The following LRP1B variants were observed in gnomAD, a reference collection of about 807,000 sequenced individuals.
LRP1B encodes the protein low-density lipoprotein receptor-related protein 1B.
Under a neutral mutation model 556.6 loss-of-function variants are expected in LRP1B, and 217 were observed. The observed-to-expected ratio is 0.39, with a 90% CI of 0.35 to 0.44. The LOEUF (loss-of-function observed/expected upper bound fraction) is 0.44. Among genes scored for constraint, LRP1B ranks in the 20% least tolerant of loss-of-function variants. The probability of loss-of-function intolerance (pLI) is 1.00; values close to 1 mark genes in which losing one functional copy is unlikely to be tolerated. For missense variants in LRP1B, 5,053 were observed against 5,620.8 expected (o/e 0.90, Z 3.23); for synonymous variants, 2,047 against 1,865.8 (o/e 1.10, Z -2.50).
chr2:140,548,936 CACAA>C (rs756101453), intron 43 of LRP1B, among the ~76,000 whole-genome samples: 4 of 151,874 alleles, frequency 2.6e-5, no homozygotes, highest in South Asian at 2.1e-4. Context: ...AAAAAACCAA[CACAA>C]ACAAACAAAC....
rs528810569 is a variant in LRP1B at position 142,108,497 on chromosome 2, A to T, written c.82+22151T>A. The stretch of plus-strand genomic sequence containing the variant: ...ACTATCCTCTCTCATGGGAAAAGAA[A>T]AGTCCGTCACTGAATGACAAAGAAT... On this transcript the variant is annotated intron_variant, in intron 1 of 90. Coordinates refer to ENST00000389484, the MANE Select transcript of LRP1B (RefSeq NM_018557.3). 8.9e-4 allele frequency among the ~76,000 whole-genome samples: 135 copies of T among 152,300 alleles called. 1 individual carries two copies. The highest frequency in any genetic ancestry group is 8.1e-3 in the South Asian group (39 of 4,822).
chr2:140,970,833 T>C (rs1176311735), intron 18 of LRP1B, among the ~76,000 whole-genome samples: 1 of 141,142 alleles, frequency 7.1e-6, no homozygotes, highest in East Asian at 2.3e-4. Context: ...CTGGACGTCC[T>C]GGGTTCAGGT....
chr2:141,106,768 C>T (rs548478434), intron 7 of LRP1B, among the ~76,000 whole-genome samples: 5 of 152,288 alleles, frequency 3.3e-5, no homozygotes, highest in South Asian at 2.1e-4. Flanking sequence ...TATTCTGTAG[C>T]GTTCTCTCTT....
intron 1 of LRP1B, among the ~76,000 whole-genome samples, chr2:142,001,114 C>T (rs1281930051): frequency 1.3e-5 from 2 of 152,168 alleles, no homozygotes; most frequent in African/African-American, 4.8e-5. Context: ...TTTCGCCTTC[C>T]ACCATGATTG....
At chr2:141,605,501 G>C (rs930092493) in intron 2 of LRP1B, among the ~76,000 whole-genome samples, 4 of 152,072 alleles carry the variant, frequency 2.6e-5, no homozygotes, top group African/African-American at 9.7e-5. Context: ...TTAAAGGGCT[G>C]ATACCTCTAT....
chr2:141,819,188 A>T (rs1304559263), intron 1 of LRP1B, among the ~76,000 whole-genome samples: 1 of 151,964 alleles, frequency 6.6e-6, no homozygotes, highest in Non-Finnish European at 1.5e-5. Flanking sequence ...CAGTGAGCTG[A>T]GATCACGCCA....
intron 5 of LRP1B, among the ~76,000 whole-genome samples, chr2:141,237,331 T>G (rs1016647975): frequency 3.3e-5 from 5 of 150,368 alleles, no homozygotes; most frequent in Admixed American, 2.0e-4. Flanking sequence ...GTTTTTTATC[T>G]TGTTTTGTTT....
chr2:140,502,727 G>A (rs1031773156), intron 54 of LRP1B, among the ~76,000 whole-genome samples: 1 of 151,910 alleles, frequency 6.6e-6, no homozygotes, highest in Non-Finnish European at 1.5e-5. Context: ...GGGAAGACAG[G>A]ATGGTGAATT....
At chr2:140,528,417 A>G (rs1229233636) in intron 47 of LRP1B, among the ~76,000 whole-genome samples, 1 of 152,004 alleles carries the variant, frequency 6.6e-6, no homozygotes, top group East Asian at 1.9e-4. Context: ...AAACTGTATT[A>G]ATAAGCATAA....
intron 2 of LRP1B, among the ~76,000 whole-genome samples, chr2:141,712,446 G>A (rs1274116473): frequency 3.3e-5 from 5 of 152,056 alleles, no homozygotes; most frequent in Non-Finnish European, 5.9e-5. Flanking sequence ...CCAAGTATAG[G>A]TCATGTTATC....
intron 3 of LRP1B, among the ~76,000 whole-genome samples, chr2:141,438,145 T>C (rs1206083082): frequency 1.3e-5 from 2 of 152,142 alleles, no homozygotes; most frequent in Non-Finnish European, 2.9e-5. Flanking sequence ...TTTTCCTGCA[T>C]AGGATAACGA....
At chr2:140,321,151 G>C (rs1680097415) in intron 82 of LRP1B, among the ~76,000 whole-genome samples, 1 of 151,968 alleles carries the variant, frequency 6.6e-6, no homozygotes, top group South Asian at 2.1e-4. Flanking sequence ...CTAATGTCTT[G>C]AATATGAGGT....
At position 141,160,565 on chromosome 2, in the gene LRP1B, A is replaced by G. The variant is rs1679976084; in HGVS notation, c.1013+27856T>C. On this transcript the variant is annotated intron_variant, in intron 7 of 90. Transcript: ENST00000389484. ...ACAGCCCCACAGTGGGATACTACTC[A>G]GCAATAAAAAGGAATACACCACTGA... Among the ~76,000 whole-genome samples the G allele has an allele frequency of 3.3e-5, 5 of 152,246 alleles. No homozygotes were observed. In the South Asian group the frequency reaches 1.0e-3, roughly 32 times the overall value.
At chr2:141,773,170 C>T (rs999684748) in intron 2 of LRP1B, among the ~76,000 whole-genome samples, 1 of 152,096 alleles carries the variant, frequency 6.6e-6, no homozygotes, top group Non-Finnish European at 1.5e-5. Flanking sequence ...GTTTAACTGT[C>T]CTTCATATTA....
At chr2:140,409,276 G>A (rs563300707) in intron 66 of LRP1B, among the ~76,000 whole-genome samples, 3 of 151,746 alleles carry the variant, frequency 2.0e-5, no homozygotes, top group East Asian at 1.9e-4. Context: ...CTATAAAGTC[G>A]GTGATGTGAT....
At chr2:140,741,243 T>C (rs1204848569) in intron 35 of LRP1B, among the ~76,000 whole-genome samples, 1 of 152,126 alleles carries the variant, frequency 6.6e-6, no homozygotes, top group Non-Finnish European at 1.5e-5. Context: ...GAATCATCAA[T>C]AAATTTCATT....
chr2:141,859,049 A>G (rs988251083), intron 1 of LRP1B, among the ~76,000 whole-genome samples: 4 of 152,152 alleles, frequency 2.6e-5, no homozygotes, highest in African/African-American at 9.7e-5. Flanking sequence ...GGGCTAATTT[A>G]AATCCATCTT....
intron 35 of LRP1B, among the ~76,000 whole-genome samples, chr2:140,752,306 A>G (rs1688607428): frequency 6.6e-6 from 1 of 151,050 alleles, no homozygotes; most frequent in Non-Finnish European, 1.5e-5. Context: ...CTGGGTAATT[A>G]TGACAACTTA....
chr2:141,485,527 G>C (rs1301662171), intron 2 of LRP1B, among the ~76,000 whole-genome samples: 1 of 152,126 alleles, frequency 6.6e-6, no homozygotes, highest in Non-Finnish European at 1.5e-5. Context: ...GGCAGACAGG[G>C]CAGTTTGAGA....
Sources: allele counts gnomAD v4.1 joint callset (sites outside exome capture counted in the v4.1 genomes callset), GRCh38; gene constraint gnomAD v4.1.1; transcripts MANE v1.5; gene names NCBI Gene and HGNC (gene_info 2026-07-23, HGNC 2026-07-21).